The following PRUNE2 variants were observed in gnomAD, a reference collection of about 807,000 sequenced individuals.
The protein encoded by PRUNE2 is prune homolog 2 with BCH domain, also known as protein prune homolog 2.
PRUNE2 carries 164 observed loss-of-function variants against 252.0 expected under a neutral mutation model. The observed-to-expected ratio is 0.65, with a 90% CI of 0.57 to 0.74. The LOEUF is 0.74. PRUNE2 is among the 30% of genes least tolerant of loss of function. PRUNE2 has a pLI of 0.00. For missense variants in PRUNE2, 3,495 were observed against 3,711.0 expected, an observed-to-expected ratio of 0.94 and a Z score of 1.51; for synonymous variants, 1,292 against 1,350.2, an observed-to-expected ratio of 0.96 and a Z score of 0.94.
At chr9:76,812,529 C>A (rs2057421976) in intron 6 of PRUNE2, among the ~76,000 whole-genome samples, 1 of 152,164 alleles carries the variant, frequency 6.6e-6, no homozygotes, top group African/African-American at 2.4e-5. Context: ...TTAAAAAAAA[C>A]TATGAGCACT....
chr9:76,634,416 G>T (rs1321486530), intron 15 of PRUNE2, among the ~76,000 whole-genome samples: 1 of 152,142 alleles, frequency 6.6e-6, no homozygotes, highest in Non-Finnish European at 1.5e-5. Context: ...ACCTAACATA[G>T]TATGTAAACA....
At chr9:76,856,085 T>C (rs2060236003) in intron 1 of PRUNE2, among the ~76,000 whole-genome samples, 1 of 152,190 alleles carries the variant, frequency 6.6e-6, no homozygotes, top group Admixed American at 6.5e-5. Flanking sequence ...TAAGTAGACA[T>C]TACCTCATTT....
At chr9:76,635,184 C>A (rs1839479670) in intron 15 of PRUNE2, among the ~76,000 whole-genome samples, 1 of 152,158 alleles carries the variant, frequency 6.6e-6, no homozygotes, top group African/African-American at 2.4e-5. Context: ...GTTGGCCAGG[C>A]TGGTCTCAAA....
intron 6 of PRUNE2, among the ~76,000 whole-genome samples, chr9:76,799,655 A>C (rs2056402404): frequency 6.6e-6 from 1 of 152,198 alleles, no homozygotes; most frequent in Admixed American, 6.5e-5. Flanking sequence ...TGAGTATATT[A>C]AGCCTGGGTT....
At chr9:76,781,005 T>G (rs1410075094) in intron 6 of PRUNE2, among the ~76,000 whole-genome samples, 4 of 152,216 alleles carry the variant, frequency 2.6e-5, no homozygotes, top group Non-Finnish European at 5.9e-5. Flanking sequence ...TTTTCCTCCC[T>G]AGTCCCCATA....
intron 1 of PRUNE2, among the ~76,000 whole-genome samples, chr9:76,897,390 CTTTTTTTTTTTTTTTTTTTTTTTT>C (rs55702049): frequency 1.6e-4 from 9 of 56,252 alleles, no homozygotes; most frequent in Admixed American, 2.5e-4. Context: ...AGGCAAACCT[CTTTTTTTTTTTTTTTTTTTTTTTT>C]TTTTTTTTTT....
At chr9:76,798,818 G>C (rs138298373) in intron 6 of PRUNE2, among the ~76,000 whole-genome samples, 22 of 152,206 alleles carry the variant, frequency 1.4e-4, no homozygotes, top group African/African-American at 5.1e-4. Context: ...GGTGTGAGTT[G>C]GTCCAGAATC....
intron 4 of PRUNE2, among the ~76,000 whole-genome samples, chr9:76,828,198 G>A (rs1450138941): frequency 6.6e-6 from 1 of 152,198 alleles, no homozygotes; most frequent in East Asian, 1.9e-4. Flanking sequence ...GAGCTTGAAG[G>A]ATAACTAGGG....
At chr9:76,803,585 G>A (rs958417544) in intron 6 of PRUNE2, among the ~76,000 whole-genome samples, 3 of 152,142 alleles carry the variant, frequency 2.0e-5, no homozygotes, top group Admixed American at 6.5e-5. Flanking sequence ...CCGTGTCGTA[G>A]TCAAAACTGC....
chr9:76,746,653 C>A (rs539673624), intron 6 of PRUNE2, among the ~76,000 whole-genome samples: 1 of 130,458 alleles, frequency 7.7e-6, no homozygotes, highest in African/African-American at 2.9e-5. Flanking sequence ...TGCAGTGAGC[C>A]GAGATTGCGC....
At chr9:76,872,640 C>T (rs2061279813) in intron 1 of PRUNE2, among the ~76,000 whole-genome samples, 1 of 151,246 alleles carries the variant, frequency 6.6e-6, no homozygotes, top group Non-Finnish European at 1.5e-5. Flanking sequence ...CACACACACA[C>T]ACACCCTCAC....
At chr9:76,655,225 A>G (rs931838189) in intron 10 of PRUNE2, among the ~76,000 whole-genome samples, 198 bp downstream of exon 10, 1 of 152,228 alleles carries the variant, frequency 6.6e-6, no homozygotes, top group African/African-American at 2.4e-5. Flanking sequence ...AGCCCACACT[A>G]GCGAGCATCA....
Position 76,707,182 on chromosome 9 carries a change from T to C in PRUNE2, c.5092A>G (p.Ile1698Val), listed in dbSNP as rs766107109. The C allele has an allele frequency of 6.8e-6, 11 of 1,613,884 alleles. No homozygotes were observed. Among genetic ancestry groups the C allele is most frequent in the South Asian group, 3.3e-5 (3 of 91,090 alleles). ...DDDSVGGEESIEEEIQVANCH... is the reference protein window; with the variant it reads ...DDDSVGGEESVEEEIQVANCH... ...TTGGCCACCTGGATCTCTTCCTCTA[T>C]TGACTCTTCACCACCGACACTGTCA... Residue 1698 changes from isoleucine to valine, a missense_variant, in exon 8 of 19, where the codon ATA (isoleucine) becomes GTA (valine). Ile to Val is a conservative substitution (Grantham distance 29). Coordinates refer to ENST00000376718, the MANE Select transcript of PRUNE2 (RefSeq NM_015225.3).
At chr9:76,755,281 C>T (rs1376941967) in intron 6 of PRUNE2, among the ~76,000 whole-genome samples, 1 of 152,082 alleles carries the variant, frequency 6.6e-6, no homozygotes, top group Admixed American at 6.5e-5. Context: ...AAAGCACTGG[C>T]TCATTCACGG....
At chr9:76,691,970 C>G in intron 9 of PRUNE2, 1 of 674,700 alleles carries the variant, frequency 1.5e-6, no homozygotes, top group East Asian at 2.8e-5. Context: ...GTCTCCCCCG[C>G]CAACTTCCCA....
intron 6 of PRUNE2, among the ~76,000 whole-genome samples, chr9:76,793,522 G>A (rs1024546411): frequency 1.3e-5 from 2 of 152,128 alleles, no homozygotes; most frequent in Non-Finnish European, 1.5e-5. Context: ...TGTACTGAGA[G>A]ACCCTGCAGC....
chr9:76,723,911 C>T (rs1297665954), intron 6 of PRUNE2, among the ~76,000 whole-genome samples: 1 of 151,056 alleles, frequency 6.6e-6, no homozygotes, highest in Non-Finnish European at 1.5e-5. Context: ...GGGTTCACGC[C>T]CTTCTCCTGC....
chr9:76,874,292 C>T (rs1019520173), intron 1 of PRUNE2, among the ~76,000 whole-genome samples: 4 of 152,062 alleles, frequency 2.6e-5, no homozygotes, highest in African/African-American at 9.7e-5. Flanking sequence ...CACTGGAAAA[C>T]AATAATAATG....
chr9:76,646,480 C>T (rs10117779), intron 11 of PRUNE2, among the ~76,000 whole-genome samples: 3,409 of 152,334 alleles, frequency 0.022, 113 homozygotes, highest in African/African-American at 0.077. Flanking sequence ...CTCTGGCTTC[C>T]ACTGTGTTCC....
Sources: gnomAD v4.1 joint callset for allele counts (sites outside exome capture counted in the v4.1 genomes callset) on GRCh38, gnomAD v4.1.1 for gene constraint, MANE v1.5 for transcripts, NCBI Gene and HGNC (gene_info 2026-07-23, HGNC 2026-07-21) for gene names.